Variants in RASA1 observed in about 807,000 individuals in gnomAD.
RASA1 encodes RAS p21 protein activator 1.
In RASA1, 25 loss-of-function variants were observed where a neutral mutation model predicts 132.2. The ratio of observed to expected loss-of-function variants is 0.19; its 90% CI spans 0.14 to 0.26. The LOEUF is 0.26. Among genes scored for constraint, RASA1 ranks in the 10% least tolerant of loss-of-function variants. The pLI is 1.00. For missense variants in RASA1, 964 were observed against 1,299.2 expected, an observed-to-expected ratio of 0.74 and a Z score of 3.97; for synonymous variants, 477 against 449.9, an observed-to-expected ratio of 1.06 and a Z score of -0.76.
intron 17 of RASA1, 54 bp from the exon 18 acceptor site, chr5:87,378,342 G>A: frequency 6.3e-7 from 1 of 1,585,074 alleles, no homozygotes; most frequent in Non-Finnish European, 8.7e-7. Context: ...TTCCAATTTG[G>A]TCACATTAGG....
intron 6 of RASA1, among the ~76,000 whole-genome samples, chr5:87,341,839 A>G (rs1423557996): frequency 1.3e-5 from 2 of 152,080 alleles, no homozygotes; most frequent in Non-Finnish European, 2.9e-5. Flanking sequence ...TTCATCTCCT[A>G]ATATCTTTTC....
chr5:87,315,619 C>T (rs965133382), intron 1 of RASA1, among the ~76,000 whole-genome samples: 7 of 152,082 alleles, frequency 4.6e-5, no homozygotes, highest in Non-Finnish European at 8.8e-5. Flanking sequence ...ACCCTCTCAA[C>T]CTAGAGTAAA....
At position 87,268,341 on chromosome 5, in the gene RASA1, C is replaced by G; in HGVS notation, c.-111C>G. 7.7e-7 allele frequency: 1 copy of G among 1,303,984 alleles called. No individual in the cohort carries two copies. 80.8% of individuals were successfully genotyped at this position (1,303,984 alleles called of 1,614,324 possible). On this transcript the variant is annotated 5_prime_UTR_variant, in exon 1 of 25. Coordinates refer to ENST00000274376, the MANE Select transcript of RASA1 (RefSeq NM_002890.3). The stretch of plus-strand genomic sequence containing the variant: ...CTCCTTTTGTTGTTGTTTCCTCAGC[C>G]TGGGGAGCTGAAGGGGAGACGCGTC...
intron 1 of RASA1, among the ~76,000 whole-genome samples, chr5:87,281,402 G>C (rs889751026): frequency 6.6e-6 from 1 of 151,724 alleles, no homozygotes; most frequent in Non-Finnish European, 1.5e-5. Context: ...AGCTTCCCGA[G>C]TGCCAACACT....
At chr5:87,384,902 GA>G (rs1369303104) in intron 21 of RASA1, among the ~76,000 whole-genome samples, 6 of 152,052 alleles carry the variant, frequency 3.9e-5, no homozygotes, top group African/African-American at 1.2e-4. Context: ...TGGGAGCAGG[GA>G]ATTGCTCAGA....
chr5:87,324,015 T>G (rs1757025054), intron 1 of RASA1, among the ~76,000 whole-genome samples: 2 of 152,188 alleles, frequency 1.3e-5, no homozygotes, highest in African/African-American at 4.8e-5. Context: ...TATTCTACCA[T>G]GTAGCACAAT....
intron 1 of RASA1, among the ~76,000 whole-genome samples, chr5:87,271,918 C>A (rs530270480): frequency 2.7e-3 from 408 of 151,814 alleles, no homozygotes; most frequent in South Asian, 4.6e-3. Flanking sequence ...ATTTGGGAGG[C>A]CAAGGCGAGT....
chr5:87,323,285 C>T (rs1756960730), intron 1 of RASA1, among the ~76,000 whole-genome samples: 1 of 151,998 alleles, frequency 6.6e-6, no homozygotes, highest in African/African-American at 2.4e-5. Context: ...AAAACTAATG[C>T]CTTAAAACAT....
chr5:87,295,989 G>T (rs536615682), intron 1 of RASA1, among the ~76,000 whole-genome samples: 5 of 151,838 alleles, frequency 3.3e-5, no homozygotes, highest in Admixed American at 2.6e-4. Flanking sequence ...GCTAATTTTT[G>T]TGTTTTTAGT....
intron 21 of RASA1, among the ~76,000 whole-genome samples, chr5:87,384,574 G>C (rs755909385): frequency 3.3e-4 from 50 of 152,068 alleles, no homozygotes; most frequent in Non-Finnish European, 5.9e-4. Flanking sequence ...TTAATATTAA[G>C]GGTTTGAAAT....
chr5:87,341,828 A>G (rs1355520740), intron 6 of RASA1, among the ~76,000 whole-genome samples: 4 of 152,100 alleles, frequency 2.6e-5, no homozygotes, highest in African/African-American at 4.8e-5. Flanking sequence ...TTAATAGACT[A>G]TTCATCTCCT....
At chr5:87,270,801 A>G (rs1448366991) in intron 1 of RASA1, among the ~76,000 whole-genome samples, 1 of 151,912 alleles carries the variant, frequency 6.6e-6, no homozygotes, top group East Asian at 1.9e-4. Flanking sequence ...GGAAAAGTAA[A>G]GTTAGTCATA....
In RASA1 at chr5:87,267,927, C is replaced by T. The variant is rs1181957902; in HGVS notation, c.-525C>T. 2.5e-6 allele frequency: 1 copy of T among 393,782 alleles called. No individual in the cohort carries two copies. Among genetic ancestry groups the T allele is most frequent in the Non-Finnish European group, 4.5e-6 (1 of 224,348 alleles). The allele number at this position is 393,782 out of a possible 1,614,324, so 24.4% of individuals were successfully genotyped here. A position where few individuals can be genotyped will look rare whatever the true frequency, so the allele number is the denominator to read the frequency against. On this transcript the variant is annotated 5_prime_UTR_variant, in exon 1 of 25. Coordinates refer to ENST00000274376, the MANE Select transcript of RASA1 (RefSeq NM_002890.3). The stretch of plus-strand genomic sequence containing the variant: ...TAGTGAGCAGTTCAGTCGATTTCCT[C>T]GTTACCCCGCCCCCCTTTCTCTTGC...
At chr5:87,294,468 C>T (rs1403296044) in intron 1 of RASA1, 1 of 152,228 alleles carries the variant, frequency 6.6e-6, no homozygotes, top group Non-Finnish European at 1.5e-5. Context: ...TGCCAGTGCT[C>T]CTAGCTGAAG....
At chr5:87,388,387 A>C (rs1186264121) in intron 23 of RASA1, among the ~76,000 whole-genome samples, 1 of 152,192 alleles carries the variant, frequency 6.6e-6, no homozygotes, top group Non-Finnish European at 1.5e-5. Flanking sequence ...TAGTGTCGAT[A>C]ATAAAGTACA....
intron 1 of RASA1, among the ~76,000 whole-genome samples, chr5:87,321,702 C>T (rs1258862647): frequency 2.0e-5 from 3 of 152,256 alleles, no homozygotes; most frequent in East Asian, 1.9e-4. Flanking sequence ...GTATGCCACT[C>T]TCCCAGCAAG....
rs1762494718 is a variant in RASA1 at position 87,391,268 on chromosome 5, A to AGAAACACATTCT, written c.*386_*397dup. 2.6e-6 allele frequency: 1 copy of AGAAACACATTCT among 387,056 alleles called. No individual in the cohort carries two copies. The highest frequency in any genetic ancestry group is 2.0e-5 in the African/African-American group (1 of 50,390). The allele number at this position is 387,056 out of a possible 1,614,324, so 24.0% of individuals were successfully genotyped here. On this transcript the variant is annotated 3_prime_UTR_variant, in exon 25 of 25. Transcript: ENST00000274376. ...GAAAGAACTATGAAATCAACTGACA[A>AGAAACACATTCT]GAAACACATTCTTATTGACAATTGT...
At chr5:87,329,117 C>G (rs1757433497) in intron 1 of RASA1, among the ~76,000 whole-genome samples, 1 of 152,002 alleles carries the variant, frequency 6.6e-6, no homozygotes, top group Non-Finnish European at 1.5e-5. Flanking sequence ...ACTGACTTAT[C>G]CATTTTAATG....
intron 6 of RASA1, among the ~76,000 whole-genome samples, chr5:87,341,954 C>G (rs1363270221): frequency 6.6e-6 from 1 of 152,062 alleles, no homozygotes; most frequent in Non-Finnish European, 1.5e-5. Flanking sequence ...TAAAAACATT[C>G]AACTGACTAC....
Sources: gnomAD v4.1 joint callset for allele counts (sites outside exome capture counted in the v4.1 genomes callset) on GRCh38, gnomAD v4.1.1 for gene constraint, MANE v1.5 for transcripts, NCBI Gene and HGNC (gene_info 2026-07-23, HGNC 2026-07-21) for gene names.